The following ATG7 variants were observed in gnomAD, a reference collection of about 807,000 sequenced individuals.
ATG7 encodes the protein ubiquitin-like modifier-activating enzyme ATG7.
A neutral mutation model predicts 82.4 loss-of-function variants in ATG7; 70 were observed. That is an observed-to-expected ratio of 0.85 (90% CI 0.70 to 1.04). The LOEUF is 1.04. Among genes scored for constraint, ATG7 ranks in the 50% least tolerant of loss-of-function variants. The probability of loss-of-function intolerance (pLI) is 0.00; values close to 1 mark genes in which losing one functional copy is unlikely to be tolerated. For missense variants in ATG7, 792 were observed against 864.3 expected, an observed-to-expected ratio of 0.92 and a Z score of 1.05; for synonymous variants, 287 against 313.0, an observed-to-expected ratio of 0.92 and a Z score of 0.88.
chr3:11,339,067 C>T (rs985946907), intron 11 of ATG7, among the ~76,000 whole-genome samples: 1 of 152,010 alleles, frequency 6.6e-6, no homozygotes, highest in Non-Finnish European at 1.5e-5. Flanking sequence ...GAGGCCAAGG[C>T]GGGTGGATCA....
chr3:11,405,784 C>T (rs754982016), intron 19 of ATG7, among the ~76,000 whole-genome samples: 10 of 151,874 alleles, frequency 6.6e-5, no homozygotes, highest in African/African-American at 1.5e-4. Context: ...CATGTCACCA[C>T]GCCTGGATAA....
chr3:11,454,057 T>G (rs1284173166), intron 20 of ATG7, among the ~76,000 whole-genome samples: 1 of 152,206 alleles, frequency 6.6e-6, no homozygotes, highest in Non-Finnish European at 1.5e-5. Flanking sequence ...AGATAGTCTT[T>G]TCTTCTGTCT....
Position 11,488,353 on chromosome 3 carries a change from C to T in ATG7, c.2079+61427C>T, listed in dbSNP as rs1464085518. 155 of 726,086 alleles carry T rather than the reference C, an allele frequency of 2.1e-4. 1 individual carries two copies. Among genetic ancestry groups the T allele is most frequent in the South Asian group, 6.1e-4 (18 of 29,276 alleles). The allele number at this position is 726,086 out of a possible 1,614,324, so 45.0% of individuals were successfully genotyped here. On this transcript the variant is annotated intron_variant, in intron 20 of 20. Coordinates refer to ENST00000693202, the MANE Select transcript of ATG7 (RefSeq NM_001349232.2). ...GTCCGCTCCTCCAGCCGCTGCCTCC[C>T]GGGCGGCACTCGCCGGCGCGGCGGC... is the stretch of plus-strand genomic sequence containing the variant.
chr3:11,371,349 G>C (rs1235393366), intron 18 of ATG7, among the ~76,000 whole-genome samples: 1 of 150,616 alleles, frequency 6.6e-6, no homozygotes, highest in Non-Finnish European at 1.5e-5. Context: ...GTTTACCTGC[G>C]AGACAGCGAG....
At chr3:11,388,555 A>G (rs966305597) in intron 19 of ATG7, among the ~76,000 whole-genome samples, 1 of 151,734 alleles carries the variant, frequency 6.6e-6, no homozygotes, top group Admixed American at 6.6e-5. Flanking sequence ...CAGCGTCCCA[A>G]GTAGCTGGGA....
intron 20 of ATG7, among the ~76,000 whole-genome samples, chr3:11,491,410 G>C (rs2090342301): frequency 6.6e-6 from 1 of 152,078 alleles, no homozygotes; most frequent in African/African-American, 2.4e-5. Context: ...CTTTGCCTTT[G>C]GTTTGAATTT....
At chr3:11,490,940 A>C (rs1400983900) in intron 20 of ATG7, among the ~76,000 whole-genome samples, 2 of 152,152 alleles carry the variant, frequency 1.3e-5, no homozygotes, top group Middle Eastern at 3.4e-3. Flanking sequence ...GAATCTGACA[A>C]TTATGTGTCT....
chr3:11,464,458 G>A (rs931815276), intron 20 of ATG7, among the ~76,000 whole-genome samples: 4 of 152,100 alleles, frequency 2.6e-5, no homozygotes, highest in Admixed American at 2.6e-4. Flanking sequence ...GGTTAACTCC[G>A]CACCCCCTCG....
At chr3:11,560,207 C>T (rs978125190), downstream of ATG7, among the ~76,000 whole-genome samples, 4 of 152,192 alleles carry the variant, frequency 2.6e-5, no homozygotes, top group African/African-American at 9.7e-5. Flanking sequence ...GCAAGTGCAT[C>T]GGTCTGTCCA....
rs545737057 is a variant in ATG7, at chr3:11,372,843, T to C, written c.1876-7129T>C. ...GCGCGTGTGCGTGTGTGTGCGTGCG[T>C]GCGTGTGCGTGTGTGTGTGTGAAAT... On this transcript the variant is annotated intron_variant, in intron 18 of 20. Transcript: ENST00000693202. Among the ~76,000 whole-genome samples, 14 of 112,094 alleles carry C rather than the reference T, an allele frequency of 1.2e-4. 2 individuals carry two copies. The highest frequency in any genetic ancestry group is 7.4e-4 in the African/African-American group (11 of 14,906). 73.5% of individuals were successfully genotyped at this position (112,094 alleles called of 152,430 possible).
chr3:11,574,523 C>T, the ATG7 span, among the ~76,000 whole-genome samples: 28 of 152,098 alleles, frequency 1.8e-4, 3 homozygotes, highest in Admixed American at 1.5e-3. Context: ...GAGAGATTTG[C>T]TAAAGGATAC....
At chr3:11,573,340 A>G in the ATG7 span, among the ~76,000 whole-genome samples, 49 of 92,260 alleles carry the variant, frequency 5.3e-4, no homozygotes, top group East Asian at 6.7e-3. Context: ...AGAAAGAAAG[A>G]AAGAAAGAAA....
At chr3:11,461,026 C>T (rs973917139) in intron 20 of ATG7, among the ~76,000 whole-genome samples, 3 of 152,158 alleles carry the variant, frequency 2.0e-5, no homozygotes, top group African/African-American at 7.2e-5. Flanking sequence ...GATATAATGA[C>T]ACACATGAGA....
At chr3:11,514,081 G>A (rs911894792) in intron 20 of ATG7, among the ~76,000 whole-genome samples, 7 of 152,278 alleles carry the variant, frequency 4.6e-5, no homozygotes, top group Admixed American at 3.3e-4. Context: ...CAGCCACTGT[G>A]TTTAGTTTAA....
chr3:11,573,721 T>C, the ATG7 span, among the ~76,000 whole-genome samples: 1 of 152,240 alleles, frequency 6.6e-6, no homozygotes, highest in African/African-American at 2.4e-5. Context: ...TTCATACACT[T>C]ACTGACCATT....
intron 18 of ATG7, among the ~76,000 whole-genome samples, chr3:11,366,251 A>C (rs1188032023): frequency 1.3e-5 from 2 of 151,382 alleles, no homozygotes; most frequent in African/African-American, 4.9e-5. Flanking sequence ...GAACTTGTAG[A>C]GTTCACTTAG....
intron 20 of ATG7, among the ~76,000 whole-genome samples, chr3:11,536,245 G>GA (rs1400780130): frequency 1.3e-5 from 2 of 152,222 alleles, no homozygotes; most frequent in Non-Finnish European, 2.9e-5. Context: ...GGTAGCCAAA[G>GA]AAACATCTTT....
chr3:11,404,732 G>A (rs1416323408), intron 19 of ATG7, among the ~76,000 whole-genome samples: 2 of 152,086 alleles, frequency 1.3e-5, no homozygotes, highest in African/African-American at 4.8e-5. Flanking sequence ...CACAATCATG[G>A]TGGAAAGCAA....
At chr3:11,297,779 A>C (rs1328513945) in intron 3 of ATG7, among the ~76,000 whole-genome samples, 1 of 152,182 alleles carries the variant, frequency 6.6e-6, no homozygotes, top group Non-Finnish European at 1.5e-5. Flanking sequence ...TCTCAGACAG[A>C]ATTCTGACAG....
Sources: allele counts gnomAD v4.1 joint callset (sites outside exome capture counted in the v4.1 genomes callset), GRCh38; gene constraint gnomAD v4.1.1; transcripts MANE v1.5; gene names NCBI Gene and HGNC (gene_info 2026-07-23, HGNC 2026-07-21).